Variants in NRXN3 observed in about 807,000 individuals in gnomAD.
The protein encoded by NRXN3 is neurexin 3, also known as neurexin III.
In NRXN3, 32 loss-of-function variants were observed where a neutral mutation model predicts 137.6. That is an observed-to-expected ratio of 0.23 (90% confidence interval 0.18 to 0.31). The LOEUF (loss-of-function observed/expected upper bound fraction) is 0.31. NRXN3 is among the 10% of genes least tolerant of loss of function. The pLI is 1.00. For missense variants in NRXN3, 1,574 were observed against 2,062.5 expected, an observed-to-expected ratio of 0.76 and a Z score of 4.59; for synonymous variants, 798 against 784.5, an observed-to-expected ratio of 1.02 and a Z score of -0.29.
At chr14:78,824,125 T>TC (rs1555513315) in intron 10 of NRXN3, among the ~76,000 whole-genome samples, 78 of 146,830 alleles carry the variant, frequency 5.3e-4, no homozygotes, top group Non-Finnish European at 1.0e-3. Context: ...TTTTTTTTTT[T>TC]CCAGAGCTGG....
At chr14:79,602,808 A>T (rs1398634114) in intron 16 of NRXN3, among the ~76,000 whole-genome samples, 1 of 151,980 alleles carries the variant, frequency 6.6e-6, no homozygotes, top group Non-Finnish European at 1.5e-5. Flanking sequence ...TGGCATCAAC[A>T]ATTATTTATA....
At chr14:78,987,484 TA>T (rs1247496306) in intron 14 of NRXN3, among the ~76,000 whole-genome samples, 2 of 151,860 alleles carry the variant, frequency 1.3e-5, no homozygotes, top group Non-Finnish European at 1.5e-5. Context: ...ACTCGCCCCC[TA>T]AAAAACATCA....
rs77225340 is a variant in NRXN3, at chr14:79,641,545, G to A, written c.3445-22233G>A. Among the ~76,000 whole-genome samples, 10 of 135,558 alleles carry A rather than the reference G, an allele frequency of 7.4e-5. 4 individuals are homozygous for A. The South Asian group carries it at 1.4e-3, about 19-fold the overall frequency. The allele number at this position is 135,558 out of a possible 152,430, so 88.9% of individuals were successfully genotyped here. A position where few individuals can be genotyped will look rare whatever the true frequency, so the allele number is the denominator to read the frequency against. The stretch of plus-strand genomic sequence containing the variant: ...GTTGACTGAAATTTGGCTTGTCTCC[G>A]CTGGGCTCAGCATGTTGGCTCTCCT... On this transcript the variant is annotated intron_variant, in intron 16 of 20. Coordinates refer to ENST00000335750, the MANE Select transcript of NRXN3 (RefSeq NM_001330195.2).
intron 2 of NRXN3, among the ~76,000 whole-genome samples, chr14:78,257,345 C>T (rs2153471067): frequency 6.6e-6 from 1 of 152,328 alleles, no homozygotes; most frequent in South Asian, 2.1e-4. Flanking sequence ...CCAGTGTGAT[C>T]CCTGCCCTTA....
At chr14:79,364,261 T>C (rs534946604) in intron 15 of NRXN3, among the ~76,000 whole-genome samples, 1 of 152,352 alleles carries the variant, frequency 6.6e-6, no homozygotes, top group African/African-American at 2.4e-5. Context: ...CTTTCAATGG[T>C]TCTAATGACC....
At chr14:79,222,736 G>A (rs899201868) in intron 15 of NRXN3, among the ~76,000 whole-genome samples, 5 of 102,842 alleles carry the variant, frequency 4.9e-5, no homozygotes. Flanking sequence ...ATGTATAATG[G>A]CATCTCATTG....
chr14:78,777,476 A>G (rs1375584564), intron 8 of NRXN3, among the ~76,000 whole-genome samples: 1 of 152,200 alleles, frequency 6.6e-6, no homozygotes, highest in Non-Finnish European at 1.5e-5. Context: ...TCCTCATTAT[A>G]ATAATAGCTA....
At chr14:79,538,000 G>A (rs1232272708) in intron 16 of NRXN3, among the ~76,000 whole-genome samples, 1 of 152,162 alleles carries the variant, frequency 6.6e-6, no homozygotes, top group Non-Finnish European at 1.5e-5. Context: ...GGTATGAGAT[G>A]GTGTCTCATT....
At chr14:79,420,946 T>A (rs1213066983) in intron 15 of NRXN3, among the ~76,000 whole-genome samples, 3 of 152,168 alleles carry the variant, frequency 2.0e-5, no homozygotes, top group African/African-American at 7.2e-5. Flanking sequence ...GTGCCTCTTC[T>A]GGGCTGAGAT....
At chr14:79,047,144 GA>G (rs112268708) in intron 15 of NRXN3, among the ~76,000 whole-genome samples, 8,270 of 121,342 alleles carry the variant, frequency 0.068, 605 homozygotes, top group African/African-American at 0.2. Context: ...CCCCACCCCC[GA>G]AAAAAAAAAA....
Position 78,396,643 on chromosome 14 carries a change from T to A in NRXN3, c.757+98783T>A, listed in dbSNP as rs182548882. On this transcript the variant is annotated intron_variant, in intron 4 of 20. Transcript: ENST00000335750. ...ATTTTCTTTCTGCATTTAAAACATG[T>A]TGTGCCACTTCCTCTGGCCTCTATG... Among the ~76,000 whole-genome samples the A allele has an allele frequency of 2.0e-5, 3 of 152,330 alleles. No homozygotes were observed. The East Asian group carries it at 5.8e-4, about 29-fold the overall frequency.
At chr14:78,672,216 C>T (rs945046828) in intron 6 of NRXN3, among the ~76,000 whole-genome samples, 3 of 152,216 alleles carry the variant, frequency 2.0e-5, no homozygotes, top group African/African-American at 7.2e-5. Context: ...GCATCTCCAT[C>T]TAATGTTTCT....
chr14:78,384,140 A>G (rs2089586506), intron 4 of NRXN3, among the ~76,000 whole-genome samples: 1 of 152,172 alleles, frequency 6.6e-6, no homozygotes, highest in African/African-American at 2.4e-5. Context: ...GGTAGGAACC[A>G]ATGGGACTTT....
intron 4 of NRXN3, among the ~76,000 whole-genome samples, chr14:78,328,485 G>T (rs1707191908): frequency 6.6e-6 from 1 of 151,978 alleles, no homozygotes; most frequent in African/African-American, 2.4e-5. Flanking sequence ...CCATGTAATA[G>T]AACTAAAAAA....
At chr14:79,846,156 G>A (rs1431560966) in intron 20 of NRXN3, among the ~76,000 whole-genome samples, 1 of 152,180 alleles carries the variant, frequency 6.6e-6, no homozygotes, top group Non-Finnish European at 1.5e-5. Context: ...GTGAGCACAG[G>A]CAGGTAGAAA....
In NRXN3 at chr14:79,128,672, C is replaced by T. The variant is rs775091982; in HGVS notation, c.3262+140531C>T. ...TTGTGTCTCTGCTGGGCTTTGGTAT[C>T]AGGATGATGCTGGCCTCATAAAATG... On this transcript the variant is annotated intron_variant, in intron 15 of 20. Coordinates refer to ENST00000335750, the MANE Select transcript of NRXN3 (RefSeq NM_001330195.2). 2.5e-4 allele frequency among the ~76,000 whole-genome samples: 38 copies of T among 152,286 alleles called. 1 individual carries two copies. In the Middle Eastern group the frequency reaches 0.014, roughly 55 times the overall value.
chr14:79,229,901 C>T (rs1568693950), intron 15 of NRXN3, among the ~76,000 whole-genome samples: 1 of 152,044 alleles, frequency 6.6e-6, no homozygotes, highest in Non-Finnish European at 1.5e-5. Flanking sequence ...GAATATTCAG[C>T]ATGCACAGGC....
intron 16 of NRXN3, among the ~76,000 whole-genome samples, chr14:79,538,103 T>C (rs1172930589): frequency 1.3e-5 from 2 of 152,234 alleles, no homozygotes; most frequent in Admixed American, 6.5e-5. Context: ...TTGAGAAGTG[T>C]CTGTTCATAT....
intron 20 of NRXN3, among the ~76,000 whole-genome samples, chr14:79,834,880 C>T (rs1274748416): frequency 1.3e-5 from 2 of 152,042 alleles, no homozygotes; most frequent in South Asian, 2.1e-4. Context: ...TGTTCTTTTT[C>T]GTTTCATGCC....
Sources: gnomAD v4.1 joint callset for allele counts (sites outside exome capture counted in the v4.1 genomes callset) on GRCh38, gnomAD v4.1.1 for gene constraint, MANE v1.5 for transcripts, NCBI Gene and HGNC (gene_info 2026-07-23, HGNC 2026-07-21) for gene names.